The following FLI1 variants were observed in gnomAD, a reference collection of about 807,000 sequenced individuals.
The protein encoded by FLI1 is Friend leukemia integration 1 transcription factor.
In FLI1, 13 loss-of-function variants were observed where a neutral mutation model predicts 53.1. The ratio of observed to expected loss-of-function variants is 0.24; its 90% CI spans 0.16 to 0.39. FLI1 has a LOEUF of 0.39. FLI1 is among the 10% of genes least tolerant of loss of function. The pLI is 1.00. For synonymous variants in FLI1, 244 were observed against 236.7 expected (o/e 1.03, Z -0.28); for missense variants, 424 against 600.5 (o/e 0.71, Z 3.07).
intron 2 of FLI1, chr11:128,764,848 G>C (rs1166874333): frequency 6.3e-7 from 1 of 1,589,288 alleles, no homozygotes. Flanking sequence ...TTCTCTCCCT[G>C]AGCAGTGGGA....
chr11:128,802,506 C>T (rs1942662515), intron 5 of FLI1, among the ~76,000 whole-genome samples: 1 of 152,214 alleles, frequency 6.6e-6, no homozygotes. Context: ...TAGGGCATGG[C>T]CTGTTGCTAT....
intron 2 of FLI1, chr11:128,764,818 C>A: frequency 6.3e-7 from 1 of 1,592,564 alleles, no homozygotes; most frequent in South Asian, 1.1e-5. Flanking sequence ...GGCGAGCGGG[C>A]GAGGTATGGC....
rs963536514 is a variant in FLI1, at chr11:128,813,069, C to T, written c.*2081C>T. On this transcript the variant is annotated 3_prime_UTR_variant, in exon 9 of 9. Transcript: ENST00000527786. ...TACCTAAATGAAATGGGATGTGTTT[C>T]GGAACATTTGTCTCCAGTTTTTTTT... is the stretch of plus-strand genomic sequence containing the variant. 3 of 166,608 alleles carry T rather than the reference C, an allele frequency of 1.8e-5. No homozygotes were observed. Among genetic ancestry groups the T allele is most frequent in the African/African-American group, 7.3e-5 (3 of 41,152 alleles). The allele number at this position is 166,608 out of a possible 1,614,324, so 10.3% of individuals were successfully genotyped here. A position where few individuals can be genotyped will look rare whatever the true frequency, so the allele number is the denominator to read the frequency against.
chr11:128,690,661 C>G (rs974543313), upstream of FLI1, among the ~76,000 whole-genome samples: 1 of 152,246 alleles, frequency 6.6e-6, no homozygotes, highest in Non-Finnish European at 1.5e-5. Flanking sequence ...GAAAATGCTC[C>G]AAATCCAAAT....
At chr11:128,693,470 T>A (rs1253111537), upstream of FLI1, 3 of 171,570 alleles carry the variant, frequency 1.7e-5, no homozygotes, top group African/African-American at 7.1e-5. Flanking sequence ...TCCCCGGCAG[T>A]AGGCGCTGGG....
At chr11:128,771,037 A>G (rs1409922785) in intron 3 of FLI1, among the ~76,000 whole-genome samples, 2 of 152,216 alleles carry the variant, frequency 1.3e-5, no homozygotes, top group South Asian at 2.1e-4. Flanking sequence ...AATGGTTTCT[A>G]TTGGAACCCC....
intron 3 of FLI1, among the ~76,000 whole-genome samples, chr11:128,772,428 T>C (rs1941596104): frequency 6.6e-6 from 1 of 152,228 alleles, no homozygotes; most frequent in African/African-American, 2.4e-5. Flanking sequence ...AAAATACAGA[T>C]GGTTCCCGTT....
chr11:128,688,662 G>A (rs1937627654), intron 1 of FLI1, among the ~76,000 whole-genome samples: 1 of 152,180 alleles, frequency 6.6e-6, no homozygotes, highest in African/African-American at 2.4e-5. Flanking sequence ...AGTGGTCTGG[G>A]CTCTGAGGGG....
At chr11:128,725,603 A>G (rs1939438850) in intron 1 of FLI1, among the ~76,000 whole-genome samples, 1 of 151,830 alleles carries the variant, frequency 6.6e-6, no homozygotes, top group South Asian at 2.1e-4. Context: ...GTAATAAATG[A>G]TTTCTAAAAA....
intron 3 of FLI1, among the ~76,000 whole-genome samples, chr11:128,769,387 A>C (rs1187457515): frequency 1.3e-5 from 2 of 152,240 alleles, no homozygotes; most frequent in Non-Finnish European, 2.9e-5. Context: ...CATTTGTAAA[A>C]GCATAAATGT....
intron 8 of FLI1, among the ~76,000 whole-genome samples, 189 bp downstream of exon 8, chr11:128,809,393 T>C (rs1942877860): frequency 6.6e-6 from 1 of 152,196 alleles, no homozygotes; most frequent in Admixed American, 6.5e-5. Context: ...GGTGTCAAGG[T>C]TGGTTAGCTG....
chr11:128,731,616 A>G (rs1718463725), intron 1 of FLI1, among the ~76,000 whole-genome samples: 1 of 152,210 alleles, frequency 6.6e-6, no homozygotes, highest in Admixed American at 6.5e-5. Flanking sequence ...ATTTGGCAAA[A>G]CCCAAAGTTC....
In FLI1 at chr11:128,697,593, G is replaced by A. The variant is rs577366241; in HGVS notation, c.18+3317G>A. On this transcript the variant is annotated intron_variant, in intron 1 of 8. Transcript: ENST00000527786. Reference sequence around the variant, plus strand: ...ATCTGTTTCCTTATCTAGAAAATGGGGCCAAAGCACCTCCTTGCCACAAGT... The same window carrying A: ...ATCTGTTTCCTTATCTAGAAAATGGAGCCAAAGCACCTCCTTGCCACAAGT... Among the ~76,000 whole-genome samples, 40 of 152,244 alleles carry A rather than the reference G, an allele frequency of 2.6e-4. 1 individual carries two copies. Among genetic ancestry groups the A allele is most frequent in the African/African-American group, 9.6e-4 (40 of 41,534 alleles).
intron 1 of FLI1, among the ~76,000 whole-genome samples, chr11:128,688,630 C>T (rs1334599823): frequency 6.6e-6 from 1 of 152,138 alleles, no homozygotes; most frequent in Non-Finnish European, 1.5e-5. Flanking sequence ...GGTGCCGGCT[C>T]CACCGGGGTC....
chr11:128,762,737 A>T (rs1941171589), intron 2 of FLI1, among the ~76,000 whole-genome samples: 1 of 152,160 alleles, frequency 6.6e-6, no homozygotes, highest in Non-Finnish European at 1.5e-5. Flanking sequence ...GCGGCGGATC[A>T]CCTGAGGTCG....
intron 1 of FLI1, among the ~76,000 whole-genome samples, chr11:128,705,219 G>A (rs547655176): frequency 2.1e-4 from 32 of 152,270 alleles, no homozygotes; most frequent in African/African-American, 6.0e-4. Context: ...AGTCTGCACC[G>A]GTCAGATTCA....
rs759896141 is a variant in FLI1 at position 128,810,907 on chromosome 11, C to T, written c.1278C>T (p.Pro426=). 1.9e-6 allele frequency: 3 copies of T among 1,614,054 alleles called. No homozygotes were observed. The African/African-American group carries it at 4.0e-5, about 22-fold the overall frequency. Reference sequence around the variant, plus strand: ...CCGCATCACAATACTGGACCTCCCCCACGGGGGGAATCTACCCCAACCCCA... The same window carrying T: ...CCGCATCACAATACTGGACCTCCCCTACGGGGGGAATCTACCCCAACCCCA... ...FGAASQYWTS[P]TGGIYPNPNV... The change falls in exon 9 of 9, where the codon CCC becomes CCT. Residue 426 remains proline, a synonymous_variant. Transcript: ENST00000527786. This position sits in a 1 kb window ranked among gnomAD's most constrained non-coding sequence, Gnocchi z 6.6.
At chr11:128,705,314 G>A (rs1392417121) in intron 1 of FLI1, among the ~76,000 whole-genome samples, 1 of 152,196 alleles carries the variant, frequency 6.6e-6, no homozygotes, top group Non-Finnish European at 1.5e-5. Flanking sequence ...GTTAGCAGGT[G>A]CACTGGTGTG....
chr11:128,776,280 A>C (rs1591803632), intron 4 of FLI1, among the ~76,000 whole-genome samples: 1 of 150,280 alleles, frequency 6.7e-6, no homozygotes, highest in African/African-American at 2.4e-5. Context: ...ACAGGCGCCC[A>C]CCCCTCCCCC....
Sources: gnomAD v4.1 joint callset for allele counts (sites outside exome capture counted in the v4.1 genomes callset) on GRCh38, gnomAD v4.1.1 for gene constraint, Gnocchi (gnomAD v3.1) non-coding constraint, MANE v1.5 for transcripts, NCBI Gene and HGNC (gene_info 2026-07-23, HGNC 2026-07-21) for gene names.